The following NLGN4X variants were observed in gnomAD, a reference collection of about 807,000 sequenced individuals.
The protein encoded by NLGN4X is neuroligin-4, X-linked.
In NLGN4X, 3 loss-of-function variants were observed where a neutral mutation model predicts 40.3. The observed-to-expected ratio is 0.07, with a 90% CI of 0.03 to 0.19. NLGN4X has a LOEUF of 0.19. Among genes scored for constraint, NLGN4X ranks in the 10% least tolerant of loss-of-function variants. The pLI is 1.00. For synonymous variants in NLGN4X, 270 were observed against 306.8 expected (o/e 0.88, Z 1.25); for missense variants, 382 against 708.3 (o/e 0.54, Z 5.23).
chrX:6,048,561 G>A (rs1428095603), intron 2 of NLGN4X, among the ~76,000 whole-genome samples: 7 of 111,655 alleles, frequency 6.3e-5, no homozygotes, highest in Admixed American at 9.5e-5. Flanking sequence ...TCATTGCAGC[G>A]CTATTCACAA....
chrX:6,088,207 T>C (rs1452838358), intron 2 of NLGN4X, among the ~76,000 whole-genome samples: 2 of 112,805 alleles, frequency 1.8e-5, no homozygotes, highest in African/African-American at 3.2e-5. Context: ...GCATGGAACA[T>C]TTTAAATTGC....
chrX:5,892,689 G>T lies in NLGN4X; in HGVS notation c.*128C>A. On this transcript the variant is annotated 3_prime_UTR_variant, in exon 6 of 6. Transcript: ENST00000381095. Reference sequence around the variant, plus strand: ...CTGCCTTTTTGCATTTTTGTCTTAAGTCAGTGGGACAAAAACATTCCTGGT... The same window carrying T: ...CTGCCTTTTTGCATTTTTGTCTTAATTCAGTGGGACAAAAACATTCCTGGT... 1 of 993,922 alleles carries T rather than the reference G, an allele frequency of 1.0e-6. No homozygotes were observed. Among genetic ancestry groups the T allele is most frequent in the Non-Finnish European group, 1.4e-6 (1 of 727,575 alleles). 81.9% of individuals were successfully genotyped at this position (993,922 alleles called of 1,213,427 possible).
chrX:6,222,566 T>C (rs1409858680), intron 1 of NLGN4X, among the ~76,000 whole-genome samples: 1 of 112,642 alleles, frequency 8.9e-6, no homozygotes, highest in Non-Finnish European at 1.9e-5. Context: ...CTTTGAAATG[T>C]ATTCCTCAAC....
At chrX:5,925,837 TATATATACATACAC>T (rs2033252055) in intron 3 of NLGN4X, among the ~76,000 whole-genome samples, 1 of 55,894 alleles carries the variant, frequency 1.8e-5, no homozygotes, top group Non-Finnish European at 3.0e-5. Context: ...TATATATATA[TATATATACATACAC>T]ATATATATAT....
At chrX:6,200,141 A>G (rs1158172184) in intron 1 of NLGN4X, among the ~76,000 whole-genome samples, 4 of 112,299 alleles carry the variant, frequency 3.6e-5, no homozygotes, top group African/African-American at 9.7e-5. Flanking sequence ...GGGCTGATCT[A>G]TTCCAGATTC....
chrX:6,184,217 G>A (rs1921776738), intron 1 of NLGN4X, among the ~76,000 whole-genome samples: 1 of 112,048 alleles, frequency 8.9e-6, no homozygotes, highest in East Asian at 2.8e-4. Flanking sequence ...ACTTTTGAAA[G>A]GTAAGAAATT....
intron 2 of NLGN4X, among the ~76,000 whole-genome samples, chrX:6,081,015 G>A (rs5916287): frequency 0.47 from 50,779 of 107,787 alleles, 8,976 homozygotes; most frequent in Admixed American, 0.51. Flanking sequence ...GAGGCTGAGC[G>A]CAGTGATTCG....
At chrX:6,169,572 G>A (rs934710057) in intron 1 of NLGN4X, among the ~76,000 whole-genome samples, 5 of 112,901 alleles carry the variant, frequency 4.4e-5, no homozygotes, top group African/African-American at 1.6e-4. Context: ...CTTGGCCCTC[G>A]AGTTAAAGGG....
intron 3 of NLGN4X, among the ~76,000 whole-genome samples, chrX:6,028,383 G>A (rs1041647118): frequency 1.8e-5 from 2 of 111,115 alleles, no homozygotes; most frequent in Admixed American, 9.6e-5. Flanking sequence ...AATGATGGCC[G>A]GGCGTAGTGG....
chrX:5,960,881 C>A (rs1428331973), intron 3 of NLGN4X, among the ~76,000 whole-genome samples: 1 of 111,386 alleles, frequency 9.0e-6, no homozygotes, highest in Non-Finnish European at 1.9e-5. Flanking sequence ...TACTTCACCA[C>A]CATATTTTCC....
intron 2 of NLGN4X, among the ~76,000 whole-genome samples, chrX:6,131,235 A>G (rs1389760632): frequency 9.0e-6 from 1 of 111,341 alleles, no homozygotes; most frequent in Non-Finnish European, 1.9e-5. Flanking sequence ...TGGGACAAAG[A>G]TCTCCTATCT....
In NLGN4X at chrX:6,077,270, TTGTGTG is replaced by T. The variant is rs201491267; in HGVS notation, c.473-47844_473-47839del. On this transcript the variant is annotated intron_variant, in intron 2 of 5. Coordinates refer to ENST00000381095, the MANE Select transcript of NLGN4X (RefSeq NM_181332.3). ...TGTTATTACATTCCAAAATTTTATTTTGTGTGTGTGTGTGTGTGTGTGTGTCTGTGT... is the reference window on the plus strand; with the variant it reads ...TGTTATTACATTCCAAAATTTTATTTTGTGTGTGTGTGTGTGTGTCTGTGT... Among the ~76,000 whole-genome samples, 22 of 78,192 alleles carry T rather than the reference TTGTGTG, an allele frequency of 2.8e-4. No homozygotes were observed. The East Asian group carries it at 5.9e-3, about 21-fold the overall frequency. The allele number at this position is 78,192 out of a possible 115,157, so 67.9% of individuals were successfully genotyped here.
At chrX:6,033,705 C>A (rs4376630) in intron 2 of NLGN4X, among the ~76,000 whole-genome samples, 47,378 of 88,475 alleles carry the variant, frequency 0.54, 7,470 homozygotes, top group Admixed American at 0.64. Flanking sequence ...AGGCAAAATG[C>A]AGGAAGAGGC....
chrX:6,137,792 C>A (rs2039853675), intron 2 of NLGN4X, among the ~76,000 whole-genome samples: 1 of 112,335 alleles, frequency 8.9e-6, no homozygotes, highest in African/African-American at 3.2e-5. Flanking sequence ...TATTTTCCAA[C>A]CTATGAACTT....
chrX:6,175,655 GAAAA>G (rs3045369), intron 1 of NLGN4X, among the ~76,000 whole-genome samples: 1,009 of 60,995 alleles, frequency 0.017, 29 homozygotes, highest in African/African-American at 0.064. Flanking sequence ...ATCTATTACA[GAAAA>G]AAAAAAAAAA....
intron 2 of NLGN4X, among the ~76,000 whole-genome samples, chrX:6,129,806 A>G (rs1270362423): frequency 1.8e-5 from 2 of 111,201 alleles, no homozygotes; most frequent in East Asian, 5.6e-4. Context: ...AATGTTTAAA[A>G]AAAAAAACTA....
chrX:6,147,474 C>T (rs1399760917), intron 2 of NLGN4X, among the ~76,000 whole-genome samples: 5 of 112,254 alleles, frequency 4.5e-5, no homozygotes, highest in Non-Finnish European at 9.4e-5. Flanking sequence ...GTTCAGTCTC[C>T]TTGGGGACCA....
At chrX:6,045,998 A>G (rs1282900523) in intron 2 of NLGN4X, among the ~76,000 whole-genome samples, 1 of 112,217 alleles carries the variant, frequency 8.9e-6, no homozygotes, top group Admixed American at 9.5e-5. Context: ...CTTATTATTT[A>G]GAATTGTATA....
intron 3 of NLGN4X, among the ~76,000 whole-genome samples, chrX:5,922,426 T>C: frequency 8.9e-6 from 1 of 112,106 alleles, no homozygotes; most frequent in Non-Finnish European, 1.9e-5. Context: ...TCACTGTATA[T>C]TACATGTATT....
Sources: allele counts gnomAD v4.1 joint callset (sites outside exome capture counted in the v4.1 genomes callset), GRCh38; gene constraint gnomAD v4.1.1; transcripts MANE v1.5; gene names NCBI Gene and HGNC (gene_info 2026-07-23, HGNC 2026-07-21).